NTN1: variants seen among roughly 807,000 people sequenced by gnomAD.
The protein encoded by NTN1 is netrin-1.
In NTN1, 11 loss-of-function variants were observed where a neutral mutation model predicts 54.2. The observed-to-expected ratio is 0.20, with a 90% CI of 0.13 to 0.34. NTN1 has a LOEUF of 0.34. Ranked by LOEUF, NTN1 falls within the 10% of genes least tolerant of loss-of-function variation. NTN1 has a pLI of 1.00. For synonymous variants in NTN1, 371 were observed against 382.0 expected (o/e 0.97, Z 0.33); for missense variants, 740 against 893.1 (o/e 0.83, Z 2.18).
chr17:9,154,451 T>C (rs2092336007), intron 2 of NTN1, among the ~76,000 whole-genome samples: 1 of 152,230 alleles, frequency 6.6e-6, no homozygotes. Flanking sequence ...TCGTTTCTCT[T>C]ATGCCCAGCT....
At chr17:9,106,015 C>T (rs1223834709) in intron 2 of NTN1, among the ~76,000 whole-genome samples, 2 of 152,274 alleles carry the variant, frequency 1.3e-5, no homozygotes, top group East Asian at 1.9e-4. Flanking sequence ...CAACCAGCAG[C>T]GTCAACAATA....
chr17:9,099,496 GT>G lies in NTN1; in HGVS notation c.1019-63310del, dbSNP rs1054896680. Reference sequence around the variant, plus strand: ...TTGTTAGAAACTTCAGCTATTTCCAGTTTTTTTCCTTCCTTCCCTCCCTCTC... The same window carrying G: ...TTGTTAGAAACTTCAGCTATTTCCAGTTTTTTCCTTCCTTCCCTCCCTCTC... On this transcript the variant is annotated intron_variant, in intron 2 of 6. Coordinates refer to ENST00000173229, the MANE Select transcript of NTN1 (RefSeq NM_004822.3). Among the ~76,000 whole-genome samples, 229 of 152,174 alleles carry G rather than the reference GT, an allele frequency of 1.5e-3. 1 individual carries two copies. Among genetic ancestry groups the G allele is most frequent in the African/African-American group, 4.9e-3 (204 of 41,522 alleles).
chr17:9,240,482 TC>T lies in NTN1; in HGVS notation c.*521del, dbSNP rs918156954. 7.9e-5 allele frequency: 12 copies of T among 152,192 alleles called. No homozygotes were observed. The highest frequency in any genetic ancestry group is 5.8e-4 in the East Asian group (3 of 5,164). The allele number at this position is 152,192 out of a possible 1,614,324, so 9.4% of individuals were successfully genotyped here. On this transcript the variant is annotated 3_prime_UTR_variant, in exon 7 of 7. Transcript: ENST00000173229. ...ACCACCCGACACGCAGCCGACGGGA[TC>T]CCCCCCTTTCTCCCCGGCCCCTTCT...
chr17:9,181,174 C>T (rs1377596821), intron 4 of NTN1, among the ~76,000 whole-genome samples: 6 of 152,170 alleles, frequency 3.9e-5, no homozygotes, highest in Non-Finnish European at 5.9e-5. Context: ...TAACAAAGGG[C>T]GGGCTGATGC....
chr17:9,236,133 G>GC (rs1473601534), intron 6 of NTN1, among the ~76,000 whole-genome samples: 2 of 148,924 alleles, frequency 1.3e-5, no homozygotes, highest in Non-Finnish European at 3.0e-5. Context: ...TTGGGGGGGG[G>GC]GGTACTAACA....
At chr17:9,238,701 T>G (rs552865650) in intron 6 of NTN1, among the ~76,000 whole-genome samples, 2 of 152,372 alleles carry the variant, frequency 1.3e-5, no homozygotes, top group East Asian at 3.9e-4. Context: ...TAACCTAGTA[T>G]TTCACAAACT....
At chr17:9,004,536 G>A in the NTN1 span, among the ~76,000 whole-genome samples, 3 of 152,232 alleles carry the variant, frequency 2.0e-5, no homozygotes, top group African/African-American at 7.2e-5. Context: ...ACGGCCTACG[G>A]AGTTTGAATG....
At chr17:9,088,684 A>T (rs1046121290) in intron 2 of NTN1, among the ~76,000 whole-genome samples, 1 of 152,136 alleles carries the variant, frequency 6.6e-6, no homozygotes. Context: ...TTCCGCTTCA[A>T]TTATCTTCTT....
At chr17:9,061,861 G>A (rs2091999843) in intron 2 of NTN1, among the ~76,000 whole-genome samples, 1 of 151,924 alleles carries the variant, frequency 6.6e-6, no homozygotes, top group South Asian at 2.1e-4. Context: ...CTGCCACCAC[G>A]CTGAGCTAAT....
At chr17:9,136,421 AC>A (rs2092281601) in intron 2 of NTN1, among the ~76,000 whole-genome samples, 1 of 152,140 alleles carries the variant, frequency 6.6e-6, no homozygotes, top group South Asian at 2.1e-4. Context: ...TAAAACAAAT[AC>A]AAAAATTAGC....
At chr17:9,125,885 G>A (rs1269228886) in intron 2 of NTN1, among the ~76,000 whole-genome samples, 1 of 152,220 alleles carries the variant, frequency 6.6e-6, no homozygotes, top group Non-Finnish European at 1.5e-5. Context: ...ACTGTGCTGG[G>A]CTCTTTATCA....
At chr17:9,161,517 C>T (rs2092356991) in intron 2 of NTN1, among the ~76,000 whole-genome samples, 2 of 152,134 alleles carry the variant, frequency 1.3e-5, no homozygotes, top group East Asian at 1.9e-4. Context: ...TGGTGGCTCA[C>T]GGCTATCATC....
At chr17:9,047,848 C>T (rs1351824532) in intron 2 of NTN1, among the ~76,000 whole-genome samples, 2 of 152,094 alleles carry the variant, frequency 1.3e-5, no homozygotes, top group East Asian at 3.9e-4. Context: ...GCGACTGCCA[C>T]CACGCCTGGC....
At chr17:9,067,196 G>A (rs1476666002) in intron 2 of NTN1, among the ~76,000 whole-genome samples, 3 of 151,878 alleles carry the variant, frequency 2.0e-5, no homozygotes, top group Non-Finnish European at 4.4e-5. Flanking sequence ...GAACCCAGGA[G>A]GCGGAGGTTG....
chr17:9,233,545 G>A (rs1905885475), intron 6 of NTN1, among the ~76,000 whole-genome samples: 1 of 151,998 alleles, frequency 6.6e-6, no homozygotes, highest in Non-Finnish European at 1.5e-5. Flanking sequence ...AGAGCTCACA[G>A]GCTATGGTGG....
In NTN1 at chr17:9,208,517, C is replaced by T. The variant is rs374720899; in HGVS notation, c.1412-12651C>T. 7.9e-5 allele frequency among the ~76,000 whole-genome samples: 12 copies of T among 152,186 alleles called. No homozygotes were observed. The South Asian group carries it at 2.3e-3, about 29-fold the overall frequency. The stretch of plus-strand genomic sequence containing the variant: ...CCAGGGGAGGAGGCAGACAGAAAAT[C>T]CCAGACCAGGAAATGGGCGCTAAGA... On this transcript the variant is annotated intron_variant, in intron 5 of 6. Coordinates refer to ENST00000173229, the MANE Select transcript of NTN1 (RefSeq NM_004822.3).
chr17:9,215,408 G>A (rs572514003), intron 5 of NTN1, among the ~76,000 whole-genome samples: 5 of 152,076 alleles, frequency 3.3e-5, no homozygotes, highest in African/African-American at 1.2e-4. Flanking sequence ...TATGTTTACT[G>A]GTTTCAGTTT....
chr17:9,034,786 A>G (rs1348264974), intron 2 of NTN1, among the ~76,000 whole-genome samples: 6 of 152,054 alleles, frequency 3.9e-5, no homozygotes, highest in African/African-American at 1.2e-4. Context: ...CCCATGAATT[A>G]TGTGTCCAGT....
intron 6 of NTN1, among the ~76,000 whole-genome samples, chr17:9,234,886 G>A (rs969445210): frequency 7.2e-5 from 11 of 151,978 alleles, no homozygotes; most frequent in Non-Finnish European, 1.3e-4. Context: ...GGCCATTCTG[G>A]CTTAAGGCAG....
Sources: allele counts gnomAD v4.1 joint callset (sites outside exome capture counted in the v4.1 genomes callset), GRCh38; gene constraint gnomAD v4.1.1; transcripts MANE v1.5; gene names NCBI Gene and HGNC (gene_info 2026-07-23, HGNC 2026-07-21).